Variants in ZCCHC24 observed in about 807,000 individuals in gnomAD.
The protein encoded by ZCCHC24 is zinc finger CCHC-type containing 24, also known as zinc finger CCHC domain-containing protein 24.
Under a neutral mutation model 26.2 loss-of-function variants are expected in ZCCHC24, and 10 were observed. The ratio of observed to expected loss-of-function variants is 0.38; its 90% confidence interval spans 0.24 to 0.65. ZCCHC24 has a LOEUF of 0.65. Ranked by LOEUF, ZCCHC24 falls within the 30% of genes least tolerant of loss-of-function variation. The probability of loss-of-function intolerance (pLI) is 0.54; values close to 1 mark genes in which losing one functional copy is unlikely to be tolerated. For synonymous variants in ZCCHC24, 144 were observed against 147.1 expected (o/e 0.98, Z 0.15); for missense variants, 243 against 329.1 (o/e 0.74, Z 2.03).
chr10:79,425,085 C>T (rs1857007817), intron 2 of ZCCHC24, among the ~76,000 whole-genome samples: 1 of 152,234 alleles, frequency 6.6e-6, no homozygotes, highest in African/African-American at 2.4e-5. Context: ...CCTGGACAGA[C>T]TGTGTGTCCT....
chr10:79,398,463 G>A (rs1348403275), intron 2 of ZCCHC24, among the ~76,000 whole-genome samples: 1 of 152,136 alleles, frequency 6.6e-6, no homozygotes, highest in East Asian at 1.9e-4. Flanking sequence ...TCTCTTCTTC[G>A]TTGCCTGCAC....
At chr10:79,387,328 G>A (rs555265917) in intron 3 of ZCCHC24, among the ~76,000 whole-genome samples, 2 of 152,282 alleles carry the variant, frequency 1.3e-5, no homozygotes, top group South Asian at 2.1e-4. Context: ...CCAGAGAGAC[G>A]TCTGGGAGTG....
chr10:79,394,239 C>A (rs201891947), intron 3 of ZCCHC24, 37 bp downstream of exon 3: 5 of 1,599,282 alleles, frequency 3.1e-6, no homozygotes, highest in Non-Finnish European at 4.3e-6. Context: ...TGCCCTCCCG[C>A]GGTCCTTCTG....
intron 1 of ZCCHC24, among the ~76,000 whole-genome samples, chr10:79,439,079 T>A (rs1857256800): frequency 6.6e-6 from 1 of 152,252 alleles, no homozygotes; most frequent in Admixed American, 6.5e-5. Flanking sequence ...ATCCTTGATC[T>A]GTGATCCACT....
intron 2 of ZCCHC24, among the ~76,000 whole-genome samples, chr10:79,425,255 G>A (rs2132209873): frequency 6.6e-6 from 1 of 152,342 alleles, no homozygotes; most frequent in Non-Finnish European, 1.5e-5. Flanking sequence ...GGCAGGCCCA[G>A]CAGATATCAA....
chr10:79,420,525 T>C (rs939575907), intron 2 of ZCCHC24, among the ~76,000 whole-genome samples: 1 of 152,208 alleles, frequency 6.6e-6, no homozygotes, highest in Non-Finnish European at 1.5e-5. Flanking sequence ...ACGCCTGTAA[T>C]CCCAGCACTT....
intron 2 of ZCCHC24, among the ~76,000 whole-genome samples, chr10:79,425,595 A>G (rs1857015955): frequency 1.3e-5 from 2 of 152,242 alleles, no homozygotes; most frequent in Admixed American, 1.3e-4. Flanking sequence ...TTCCAATTCC[A>G]GCTTTGATAT....
rs777353308 is a variant in ZCCHC24, at chr10:79,386,302, T to C, written c.*43A>G. ...AGTAGCACAGGGAAGCAGCGTCTCCTCGGGCTGGCGGGGGGTGGCTCTGGG... is the reference window on the plus strand; with the variant it reads ...AGTAGCACAGGGAAGCAGCGTCTCCCCGGGCTGGCGGGGGGTGGCTCTGGG... On this transcript the variant is annotated 3_prime_UTR_variant, in exon 4 of 4. Transcript: ENST00000372336. 3 of 1,581,788 alleles carry C rather than the reference T, an allele frequency of 1.9e-6. No homozygotes were observed. The highest frequency in any genetic ancestry group is 2.6e-6 in the Non-Finnish European group (3 of 1,157,444).
intron 2 of ZCCHC24, among the ~76,000 whole-genome samples, chr10:79,394,961 G>T (rs185694333): frequency 1.3e-5 from 2 of 152,348 alleles, no homozygotes; most frequent in Admixed American, 1.3e-4. Context: ...TGCATTTACA[G>T]ATGCATATGA....
chr10:79,419,645 T>G (rs1349212889), intron 2 of ZCCHC24, among the ~76,000 whole-genome samples: 2 of 152,164 alleles, frequency 1.3e-5, no homozygotes, highest in African/African-American at 4.8e-5. Flanking sequence ...TGAGTGAGCC[T>G]TTCTGGCATT....
intron 2 of ZCCHC24, among the ~76,000 whole-genome samples, chr10:79,399,809 G>A (rs1469789173): frequency 6.6e-6 from 1 of 152,236 alleles, no homozygotes; most frequent in Non-Finnish European, 1.5e-5. Context: ...GAAGAGATGT[G>A]GAGGAGGCTC....
At chr10:79,430,705 C>G (rs1316801739) in intron 2 of ZCCHC24, among the ~76,000 whole-genome samples, 1 of 151,724 alleles carries the variant, frequency 6.6e-6, no homozygotes, top group Non-Finnish European at 1.5e-5. Flanking sequence ...CACACACACA[C>G]ACACACACCC....
intron 1 of ZCCHC24, among the ~76,000 whole-genome samples, chr10:79,442,826 G>C (rs866632214): frequency 9.9e-5 from 15 of 152,186 alleles, no homozygotes; most frequent in African/African-American, 3.6e-4. Context: ...CGCAGGAAAG[G>C]CCTGTCCTCA....
intron 1 of ZCCHC24, chr10:79,444,116 C>A: frequency 6.5e-7 from 1 of 1,546,028 alleles, no homozygotes; most frequent in East Asian, 2.5e-5. Context: ...GTGCCCAGGT[C>A]TGGAAGGAAA....
chr10:79,417,965 C>T (rs1856887941), intron 2 of ZCCHC24, among the ~76,000 whole-genome samples: 1 of 152,214 alleles, frequency 6.6e-6, no homozygotes, highest in Non-Finnish European at 1.5e-5. Flanking sequence ...GGCCACCTCC[C>T]ACTCCACACA....
At position 79,384,671 on chromosome 10, in the gene ZCCHC24, T is replaced by C. The variant is rs568907490; in HGVS notation, c.*1674A>G. On this transcript the variant is annotated 3_prime_UTR_variant, in exon 4 of 4. Coordinates refer to ENST00000372336, the MANE Select transcript of ZCCHC24 (RefSeq NM_153367.4). The stretch of plus-strand genomic sequence containing the variant: ...AATACACTCACTCCATCTTTTCAAC[T>C]CGCTCCCTGGACCCCTGGTTAACAC... The C allele has an allele frequency of 6.5e-6, 1 of 152,852 alleles. No individual in the cohort carries two copies. The highest frequency in any genetic ancestry group is 1.9e-4 in the East Asian group (1 of 5,308). 9.5% of individuals were successfully genotyped at this position (152,852 alleles called of 1,614,324 possible).
At chr10:79,404,943 G>A (rs1421423324) in intron 2 of ZCCHC24, among the ~76,000 whole-genome samples, 2 of 152,236 alleles carry the variant, frequency 1.3e-5, no homozygotes, top group Non-Finnish European at 2.9e-5. Flanking sequence ...CCAGTGAACA[G>A]CCATGTACCC....
chr10:79,444,139 T>C (rs945903906), intron 1 of ZCCHC24: 1 of 1,545,902 alleles, frequency 6.5e-7, no homozygotes, highest in Non-Finnish European at 8.7e-7. Flanking sequence ...GACCCCCATG[T>C]GTGTCCTCCC....
chr10:79,415,295 C>T (rs1354575775), intron 2 of ZCCHC24, among the ~76,000 whole-genome samples: 1 of 152,172 alleles, frequency 6.6e-6, no homozygotes, highest in East Asian at 1.9e-4. Context: ...GGGCTCCTTG[C>T]TATGTGACCT....
Sources: allele counts gnomAD v4.1 joint callset (sites outside exome capture counted in the v4.1 genomes callset), GRCh38; gene constraint gnomAD v4.1.1; transcripts MANE v1.5; gene names NCBI Gene and HGNC (gene_info 2026-07-23, HGNC 2026-07-21).